The following ZNF287 variants were observed in gnomAD, a reference collection of about 807,000 sequenced individuals.
The protein encoded by ZNF287 is zinc finger protein 287.
In ZNF287, 31 loss-of-function variants were observed where a neutral mutation model predicts 73.7. The observed-to-expected ratio is 0.42, with a 90% CI of 0.32 to 0.57. The LOEUF (loss-of-function observed/expected upper bound fraction) is 0.57, where lower values mean the gene tolerates loss of function less well. Ranked by LOEUF, ZNF287 falls within the 20% of genes least tolerant of loss-of-function variation. The probability of loss-of-function intolerance (pLI) is 0.13; values close to 1 mark genes in which losing one functional copy is unlikely to be tolerated. For synonymous variants in ZNF287, 301 were observed against 307.2 expected, an observed-to-expected ratio of 0.98 and a Z score of 0.21; for missense variants, 641 against 909.3, an observed-to-expected ratio of 0.70 and a Z score of 3.79.
At position 16,563,225 on chromosome 17, in the gene ZNF287, T is replaced by C; in HGVS notation, c.636A>G (p.Thr212=). The C allele has an allele frequency of 6.2e-7, 1 of 1,607,252 alleles. No individual in the cohort carries two copies. Among genetic ancestry groups the C allele is most frequent in the Non-Finnish European group, 8.5e-7 (1 of 1,177,414 alleles). The stretch of plus-strand genomic sequence containing the variant: ...TGGGAATCACAGTTGGTCTGTACAC[T>C]GTAAGTCCTGTTCAGGAGGAATATA... The part of the protein sequence containing the change: ...NYWNMVSLGL[T]VYRPTVIPIL... The change falls in exon 5 of 6, where the codon ACA becomes ACG. Residue 212 remains threonine, a synonymous_variant. Coordinates refer to ENST00000395825, the MANE Select transcript of ZNF287 (RefSeq NM_020653.4).
intron 5 of ZNF287, among the ~76,000 whole-genome samples, chr17:16,562,216 T>TTA (rs200772610): frequency 0.026 from 3,972 of 152,222 alleles, 86 homozygotes; most frequent in Non-Finnish European, 0.033. Context: ...AAGGAACAAG[T>TTA]TCAATAATAA....
chr17:16,560,013 C>G, intron 5 of ZNF287, among the ~76,000 whole-genome samples: 1 of 151,804 alleles, frequency 6.6e-6, no homozygotes, highest in African/African-American at 2.4e-5. Flanking sequence ...AGTGCAGTGG[C>G]ACAACCTTGG....
rs1906527573 is a variant in ZNF287 at position 16,549,810 on chromosome 17, G to A, written c.*2046C>T. The stretch of plus-strand genomic sequence containing the variant: ...TCAGGAAAACTTCCTGTACAAAGAT[G>A]TCCCAGGAAACCTGATTCACGATTT... On this transcript the variant is annotated 3_prime_UTR_variant, in exon 6 of 6. Coordinates refer to ENST00000395825, the MANE Select transcript of ZNF287 (RefSeq NM_020653.4). Among the ~76,000 whole-genome samples, 1 of 152,138 alleles carries A rather than the reference G, an allele frequency of 6.6e-6. No homozygotes were observed. Among genetic ancestry groups the A allele is most frequent in the South Asian group, 2.1e-4 (1 of 4,832 alleles).
Position 16,551,201 on chromosome 17 carries a change from G to T in ZNF287, c.*655C>A, listed in dbSNP as rs1257001247. 6.6e-6 allele frequency among the ~76,000 whole-genome samples: 1 copy of T among 151,928 alleles called. No homozygotes were observed. Among genetic ancestry groups the T allele is most frequent in the African/African-American group, 2.4e-5 (1 of 41,360 alleles). On this transcript the variant is annotated 3_prime_UTR_variant, in exon 6 of 6. Transcript: ENST00000395825. ...AAGGGAGTCCTTTACATATTTTAAG[G>T]CTTCAAAGCTGGGAATAAAAGGCCT...
chr17:16,550,609 A>G lies in ZNF287; in HGVS notation c.*1247T>C, dbSNP rs1270088855. 6.6e-6 allele frequency among the ~76,000 whole-genome samples: 1 copy of G among 152,216 alleles called. No homozygotes were observed. The highest frequency in any genetic ancestry group is 1.5e-5 in the Non-Finnish European group (1 of 68,028). ...GGTTGCTTATGCTCAACCCATGACA[A>G]AATATCACATCCTCACTTTCTCATC... is the stretch of plus-strand genomic sequence containing the variant. On this transcript the variant is annotated 3_prime_UTR_variant, in exon 6 of 6. Transcript: ENST00000395825.
chr17:16,563,929 G>T, intron 3 of ZNF287, 104 bp from the exon 4 acceptor site: 1 of 1,367,722 alleles, frequency 7.3e-7, no homozygotes, highest in Non-Finnish European at 9.8e-7. Context: ...AGAATTTTAA[G>T]CTTTAGTAGG....
rs1323047130 is a variant in ZNF287, at chr17:16,549,278, T to A, written c.*2578A>T. ...ATCTAGGGTTCTCCACTATTACTAGTCTGTTATTTTATAAGGGCATCAATT... is the reference window on the plus strand; with the variant it reads ...ATCTAGGGTTCTCCACTATTACTAGACTGTTATTTTATAAGGGCATCAATT... On this transcript the variant is annotated 3_prime_UTR_variant, in exon 6 of 6. Coordinates refer to ENST00000395825, the MANE Select transcript of ZNF287 (RefSeq NM_020653.4). 6.6e-5 allele frequency among the ~76,000 whole-genome samples: 10 copies of A among 152,210 alleles called. No individual in the cohort carries two copies. The East Asian group carries it at 1.7e-3, about 26-fold the overall frequency.
rs1491315982 is a variant in ZNF287 at position 16,560,308 on chromosome 17, G to GTATA, written c.715+2837_715+2838insTATA. Reference sequence around the variant, plus strand: ...TTAAAATTTCCATTAGTCAACAGTGGTGTATATATATATATATATATATAT... The same window carrying GTATA: ...TTAAAATTTCCATTAGTCAACAGTGGTATATGTATATATATATATATATATATAT... On this transcript the variant is annotated intron_variant, in intron 5 of 5. Coordinates refer to ENST00000395825, the MANE Select transcript of ZNF287 (RefSeq NM_020653.4). Among the ~76,000 whole-genome samples the GTATA allele has an allele frequency of 5.6e-3, 775 of 137,340 alleles. 6 individuals carry two copies. The highest frequency in any genetic ancestry group is 0.019 in the African/African-American group (710 of 36,928). The allele number at this position is 137,340 out of a possible 152,430, so 90.1% of individuals were successfully genotyped here.
In ZNF287 at chr17:16,553,227, A is replaced by T. The variant is rs763805752; in HGVS notation, c.915T>A (p.Asp305Glu). 2.5e-6 allele frequency: 4 copies of T among 1,608,332 alleles called. No homozygotes were observed. Among genetic ancestry groups the T allele is most frequent in the Non-Finnish European group, 3.4e-6 (4 of 1,174,940 alleles). The change falls in exon 6 of 6, where the codon GAT becomes GAA. Residue 305 changes from aspartate to glutamate, a missense_variant. Physicochemically the swap from Asp to Glu is conservative, Grantham distance 45. This residue lies in a region of ZNF287 where 357 missense variants were observed against 442.4 expected (regional missense o/e 0.81). Coordinates refer to ENST00000395825, the MANE Select transcript of ZNF287 (RefSeq NM_020653.4). Reference sequence around the variant, plus strand: ...ATTTACTAAGACATTCTTCTGTAGGATCATATTCTTGTGAAAGGACTGACT... The same window carrying T: ...ATTTACTAAGACATTCTTCTGTAGGTTCATATTCTTGTGAAAGGACTGACT... ...SLKSVLSQEYDPTEECLSKYD... is the reference protein window; with the variant it reads ...SLKSVLSQEYEPTEECLSKYD...
chr17:16,559,423 G>A (rs986501804), intron 5 of ZNF287, among the ~76,000 whole-genome samples: 4 of 152,130 alleles, frequency 2.6e-5, no homozygotes, highest in Non-Finnish European at 1.5e-5. Flanking sequence ...TAGCAAATAA[G>A]TAAATATACT....
chr17:16,558,086 A>G (rs1907192552), intron 5 of ZNF287: 1 of 152,154 alleles, frequency 6.6e-6, no homozygotes, highest in African/African-American at 2.4e-5. Flanking sequence ...TATTTCCATT[A>G]CACTATGTAT....
intron 3 of ZNF287, among the ~76,000 whole-genome samples, chr17:16,565,938 G>A (rs999965371): frequency 6.6e-6 from 1 of 152,178 alleles, no homozygotes; most frequent in African/African-American, 2.4e-5. Flanking sequence ...CGTGGACCAA[G>A]ATCGCACCAC....
At position 16,552,568 on chromosome 17, in the gene ZNF287, TGAA is replaced by T. The variant is rs768193322; in HGVS notation, c.1571_1573del (p.Leu524del). 35 of 1,614,030 alleles carry T rather than the reference TGAA, an allele frequency of 2.2e-5. No individual in the cohort carries two copies. The highest frequency in any genetic ancestry group is 3.3e-5 in the South Asian group (3 of 91,082). ...CTTCCCAGTATGTATTTTTTGATGCTGAAGAAGGTGTGTACTCTGACTGAAAGT... is the reference window on the plus strand; with the variant it reads ...CTTCCCAGTATGTATTTTTTGATGCTGAAGGTGTGTACTCTGACTGAAAGT... On this transcript the variant is annotated inframe_deletion, in exon 6 of 6. Transcript: ENST00000395825. This position sits in a 1 kb window ranked among gnomAD's most constrained non-coding sequence, Gnocchi z 6.5.
chr17:16,563,935 G>A, intron 3 of ZNF287, 110 bp from the exon 4 acceptor site: 1 of 1,330,978 alleles, frequency 7.5e-7, no homozygotes, highest in Middle Eastern at 2.3e-4. Flanking sequence ...TTAAGCTTTA[G>A]TAGGATCCTA....
rs1906607546 is a variant in ZNF287, at chr17:16,550,888, A to C, written c.*968T>G. Among the ~76,000 whole-genome samples the C allele has an allele frequency of 6.6e-6, 1 of 152,240 alleles. No individual in the cohort carries two copies. The highest frequency in any genetic ancestry group is 2.4e-5 in the African/African-American group (1 of 41,458). On this transcript the variant is annotated 3_prime_UTR_variant, in exon 6 of 6. Transcript: ENST00000395825. ...TTCCTTCAGGATGACCTTGAATGTC[A>C]AAACCTAGTGAAATCAAGGCTAATG...
intron 5 of ZNF287, among the ~76,000 whole-genome samples, chr17:16,557,795 G>A (rs1907172443): frequency 6.6e-6 from 1 of 152,056 alleles, no homozygotes; most frequent in Non-Finnish European, 1.5e-5. Flanking sequence ...TTGAACAGAG[G>A]ACTACACACT....
intron 5 of ZNF287, among the ~76,000 whole-genome samples, chr17:16,557,557 T>C (rs114127297): frequency 1.2e-3 from 179 of 152,272 alleles, no homozygotes; most frequent in African/African-American, 4.1e-3. Context: ...CAAAGGTAGA[T>C]TCAACTTACT....
In ZNF287 at chr17:16,548,107, T is replaced by C. The variant is rs1017686660; in HGVS notation, c.*3749A>G. On this transcript the variant is annotated 3_prime_UTR_variant, in exon 6 of 6. Coordinates refer to ENST00000395825, the MANE Select transcript of ZNF287 (RefSeq NM_020653.4). ...TTAGAAAATTGTCATTTTGCAAACATTGATGAGACAATGGATTCAGGCAAC... is the reference window on the plus strand; with the variant it reads ...TTAGAAAATTGTCATTTTGCAAACACTGATGAGACAATGGATTCAGGCAAC... Among the ~76,000 whole-genome samples the C allele has an allele frequency of 2.6e-5, 4 of 152,164 alleles. No individual in the cohort carries two copies. The highest frequency in any genetic ancestry group is 2.9e-5 in the Non-Finnish European group (2 of 68,040).
At chr17:16,560,507 G>A (rs993970078) in intron 5 of ZNF287, among the ~76,000 whole-genome samples, 10 of 150,466 alleles carry the variant, frequency 6.6e-5, no homozygotes, top group Admixed American at 2.6e-4. Context: ...CCACCACCAC[G>A]CCCAGCTAAT....
Sources: gnomAD v4.1 joint callset for allele counts (sites outside exome capture counted in the v4.1 genomes callset) on GRCh38, gnomAD v4.1.1 for gene constraint, gnomAD v4.1.1 regional missense constraint, Gnocchi (gnomAD v3.1) non-coding constraint, MANE v1.5 for transcripts, NCBI Gene and HGNC (gene_info 2026-07-23, HGNC 2026-07-21) for gene names.